Variants in SLC2A10 observed in about 807,000 individuals in gnomAD.
The protein encoded by SLC2A10 is solute carrier family 2 member 10.
A neutral mutation model predicts 32.1 loss-of-function variants in SLC2A10; 25 were observed. The observed-to-expected ratio is 0.78, with a 90% CI of 0.57 to 1.09. The LOEUF is 1.09. SLC2A10 is among the 50% of genes least tolerant of loss of function. The pLI, the probability that SLC2A10 is intolerant of heterozygous loss-of-function variation, is 0.00. For missense variants in SLC2A10, 673 were observed against 686.5 expected, an observed-to-expected ratio of 0.98 and a Z score of 0.22; for synonymous variants, 332 against 309.6, an observed-to-expected ratio of 1.07 and a Z score of -0.76.
At chr20:46,727,842 G>A (rs573788917) in intron 3 of SLC2A10, among the ~76,000 whole-genome samples, 6 of 152,300 alleles carry the variant, frequency 3.9e-5, no homozygotes, top group South Asian at 4.1e-4. Flanking sequence ...CCAAGGCACA[G>A]TTCTTAGGGT....
rs143763104 is a variant in SLC2A10, at chr20:46,716,303, G to T, written c.4+6563G>T. Among the ~76,000 whole-genome samples the T allele has an allele frequency of 8.7e-3, 1,330 of 152,076 alleles. 8 individuals carry two copies. The highest frequency in any genetic ancestry group is 0.015 in the Non-Finnish European group (1,021 of 67,972). On this transcript the variant is annotated intron_variant, in intron 1 of 4. Transcript: ENST00000359271. ...CGAGTAGCTGGGATTACAGGTGCAT[G>T]CCACACACCCGGCTGATTTTTGTAT...
At chr20:46,710,060 A>T in intron 1 of SLC2A10, 1 of 481,318 alleles carries the variant, frequency 2.1e-6, no homozygotes, top group South Asian at 3.6e-5. Flanking sequence ...CCTGGTCTGC[A>T]GATGAAGAAA....
intron 1 of SLC2A10, among the ~76,000 whole-genome samples, chr20:46,721,724 G>A (rs993058494): frequency 6.6e-6 from 1 of 152,134 alleles, no homozygotes; most frequent in Non-Finnish European, 1.5e-5. Flanking sequence ...TTTCATAAAG[G>A]CCTTCTGCAC....
chr20:46,725,670 G>A lies in SLC2A10; in HGVS notation c.634G>A (p.Gly212Arg). The A allele has an allele frequency of 6.2e-7, 1 of 1,614,000 alleles. No homozygotes were observed. Among genetic ancestry groups the A allele is most frequent in the African/African-American group, 1.3e-5 (1 of 75,054 alleles). ...AGGTGAGGCCCCCAAGCTGGGCCCGGGGAGGCCACGGTACTCCTTTCTGGA... is the reference window on the plus strand; with the variant it reads ...AGGTGAGGCCCCCAAGCTGGGCCCGAGGAGGCCACGGTACTCCTTTCTGGA... ...QGGEAPKLGP[G>R]RPRYSFLDLF... The change falls in exon 2 of 5, where the codon GGG becomes AGG. Residue 212 changes from glycine to arginine, a missense_variant. Coordinates refer to ENST00000359271, the MANE Select transcript of SLC2A10 (RefSeq NM_030777.4).
chr20:46,728,444 G>A (rs1980093170), intron 3 of SLC2A10, among the ~76,000 whole-genome samples: 1 of 152,088 alleles, frequency 6.6e-6, no homozygotes, highest in Non-Finnish European at 1.5e-5. Flanking sequence ...CTTGGCTGCT[G>A]GTTCTGAGAC....
At position 46,726,962 on chromosome 20, in the gene SLC2A10, A is replaced by C. The variant is rs771091234; in HGVS notation, c.1387A>C (p.Ser463Arg). The C allele has an allele frequency of 3.1e-6, 5 of 1,614,230 alleles. No homozygotes were observed. Among genetic ancestry groups the C allele is most frequent in the Non-Finnish European group, 3.4e-6 (4 of 1,180,046 alleles). Residue 463 changes from serine (S) to arginine (R), a missense_variant, in exon 3 of 5, where the codon AGC becomes CGC. Coordinates refer to ENST00000359271, the MANE Select transcript of SLC2A10 (RefSeq NM_030777.4). ...CAACTGGGCGGCCAACCTCTTCATCAGCCTCTCCTTCCTCGATCTCATTGG... is the reference window on the plus strand; with the variant it reads ...CAACTGGGCGGCCAACCTCTTCATCCGCCTCTCCTTCCTCGATCTCATTGG... ...SFNWAANLFI[S>R]LSFLDLIGTI...
chr20:46,721,437 C>CAA (rs763252434), intron 1 of SLC2A10, among the ~76,000 whole-genome samples: 26 of 116,034 alleles, frequency 2.2e-4, no homozygotes, highest in Non-Finnish European at 3.0e-4. Flanking sequence ...CCTCAATTAG[C>CAA]AAAAAAAAAA....
upstream of SLC2A10, among the ~76,000 whole-genome samples, chr20:46,708,989 T>C (rs1184573247): frequency 6.6e-6 from 1 of 152,252 alleles, no homozygotes; most frequent in Non-Finnish European, 1.5e-5. Context: ...CACCGTAGTT[T>C]AACTTTCTGC....
intron 4 of SLC2A10, among the ~76,000 whole-genome samples, chr20:46,731,170 C>A (rs3091514): frequency 0.36 from 55,366 of 152,022 alleles, 11,134 homozygotes; most frequent in East Asian, 0.59. Flanking sequence ...ATGCCATGAG[C>A]TCATGTAGGG....
At chr20:46,720,785 A>C (rs1348655379) in intron 1 of SLC2A10, among the ~76,000 whole-genome samples, 1 of 152,202 alleles carries the variant, frequency 6.6e-6, no homozygotes, top group East Asian at 1.9e-4. Context: ...AACATCTTTC[A>C]TTAATGTGTC....
At chr20:46,714,710 T>G (rs1370850998) in intron 1 of SLC2A10, 1 of 152,208 alleles carries the variant, frequency 6.6e-6, no homozygotes, top group Non-Finnish European at 1.5e-5. Context: ...GGCTGAGGAG[T>G]TAGGCCAGCC....
intron 1 of SLC2A10, among the ~76,000 whole-genome samples, chr20:46,722,965 A>G (rs1979641863): frequency 6.6e-6 from 1 of 152,200 alleles, no homozygotes. Flanking sequence ...CCCTTGTACT[A>G]GCCTTCCAAC....
chr20:46,734,235 CT>C lies in SLC2A10; in HGVS notation c.*407del, dbSNP rs1980455935. 4.3e-6 allele frequency: 1 copy of C among 230,828 alleles called. No homozygotes were observed. Among genetic ancestry groups the C allele is most frequent in the South Asian group, 6.2e-5 (1 of 16,206 alleles). 14.3% of individuals were successfully genotyped at this position (230,828 alleles called of 1,614,324 possible). On this transcript the variant is annotated 3_prime_UTR_variant, in exon 5 of 5. Coordinates refer to ENST00000359271, the MANE Select transcript of SLC2A10 (RefSeq NM_030777.4). ...ATGAGGATATCATCTTTTCTAATCT[CT>C]TTTTTCAACTGGCTGGGACATTTTC...
At chr20:46,712,143 G>C (rs1210799761) in intron 1 of SLC2A10, among the ~76,000 whole-genome samples, 1 of 152,224 alleles carries the variant, frequency 6.6e-6, no homozygotes, top group African/African-American at 2.4e-5. Context: ...CTGCCCCTTA[G>C]GAGAGTGGCT....
At chr20:46,727,960 C>A (rs1057432424) in intron 3 of SLC2A10, among the ~76,000 whole-genome samples, 4 of 152,130 alleles carry the variant, frequency 2.6e-5, no homozygotes, top group African/African-American at 9.7e-5. Flanking sequence ...AAGAACCCCC[C>A]CTATCATGGC....
chr20:46,716,630 A>G (rs557007025), intron 1 of SLC2A10, among the ~76,000 whole-genome samples: 1 of 151,058 alleles, frequency 6.6e-6, no homozygotes, highest in South Asian at 2.1e-4. Flanking sequence ...ATTAAAAATT[A>G]AGAGTAATCT....
At chr20:46,729,920 G>A (rs904401845) in intron 4 of SLC2A10, among the ~76,000 whole-genome samples, 1 of 151,904 alleles carries the variant, frequency 6.6e-6, no homozygotes, top group Non-Finnish European at 1.5e-5. Flanking sequence ...GTGAGCCACC[G>A]CGCCCGGCCG....
chr20:46,726,982 C>T lies in SLC2A10; in HGVS notation c.1407C>T (p.Leu469=). ...TCATCAGCCTCTCCTTCCTCGATCT[C>T]ATTGGTGAGTCCTTCCCAGACAAGT... is the stretch of plus-strand genomic sequence containing the variant. ...NLFISLSFLD[L]IGTIGLSWTF... The change falls in exon 3 of 5, where the codon CTC becomes CTT. Residue 469 remains leucine (L), a synonymous_variant. Coordinates refer to ENST00000359271, the MANE Select transcript of SLC2A10 (RefSeq NM_030777.4). The T allele has an allele frequency of 6.2e-7, 1 of 1,614,264 alleles. No individual in the cohort carries two copies. Among genetic ancestry groups the T allele is most frequent in the South Asian group, 1.1e-5 (1 of 91,088 alleles).
chr20:46,710,268 A>G, intron 1 of SLC2A10: 1 of 387,870 alleles, frequency 2.6e-6, no homozygotes, highest in Non-Finnish European at 4.5e-6. Flanking sequence ...ACGCGTGGGG[A>G]ATGGCTTTGT....
Sources: gnomAD v4.1 joint callset for allele counts (sites outside exome capture counted in the v4.1 genomes callset) on GRCh38, gnomAD v4.1.1 for gene constraint, MANE v1.5 for transcripts, NCBI Gene and HGNC (gene_info 2026-07-23, HGNC 2026-07-21) for gene names.